The following BNIP3L variants were observed in gnomAD, a reference collection of about 807,000 sequenced individuals.
BNIP3L encodes the protein BCL2 interacting protein 3 like, also known as BCL2/adenovirus E1B 19 kDa protein-interacting protein 3-like.
A neutral mutation model predicts 25.5 loss-of-function variants in BNIP3L; 10 were observed. The observed-to-expected ratio is 0.39, with a 90% confidence interval of 0.24 to 0.67. BNIP3L has a LOEUF of 0.67. BNIP3L is among the 30% of genes least tolerant of loss of function. The pLI is 0.45. For synonymous variants in BNIP3L, 113 were observed against 101.2 expected, an observed-to-expected ratio of 1.12 and a Z score of -0.70; for missense variants, 215 against 270.9, an observed-to-expected ratio of 0.79 and a Z score of 1.45.
intron 1 of BNIP3L, among the ~76,000 whole-genome samples, chr8:26,385,202 A>T (rs567685079): frequency 2.0e-5 from 3 of 152,260 alleles, no homozygotes; most frequent in Non-Finnish European, 4.4e-5. Context: ...TCTTAATTGT[A>T]CAGTTTTCTT....
At chr8:26,405,690 G>A in intron 3 of BNIP3L, among the ~76,000 whole-genome samples, 1 of 152,108 alleles carries the variant, frequency 6.6e-6, no homozygotes, top group Admixed American at 6.5e-5. Context: ...AAAATAAAAT[G>A]TCAAAATGCT....
chr8:26,402,454 A>C (rs1465246114), intron 3 of BNIP3L, among the ~76,000 whole-genome samples: 6 of 152,266 alleles, frequency 3.9e-5, no homozygotes, highest in South Asian at 2.1e-4. Flanking sequence ...GGATTTCTTC[A>C]ATCTATATCA....
intron 3 of BNIP3L, among the ~76,000 whole-genome samples, chr8:26,396,747 C>T (rs1171626225): frequency 1.3e-5 from 2 of 149,312 alleles, no homozygotes; most frequent in East Asian, 4.0e-4. Flanking sequence ...GAATGTATAA[C>T]TAGAATAACC....
chr8:26,387,468 G>A (rs771549530), intron 1 of BNIP3L, among the ~76,000 whole-genome samples: 18 of 152,146 alleles, frequency 1.2e-4, no homozygotes, highest in Non-Finnish European at 2.4e-4. Context: ...GTGTTGCTTG[G>A]ACAGCACAAA....
chr8:26,392,175 T>G (rs1420578126), intron 2 of BNIP3L, among the ~76,000 whole-genome samples: 2 of 151,514 alleles, frequency 1.3e-5, no homozygotes, highest in Non-Finnish European at 2.9e-5. Context: ...TTTTCTGTTT[T>G]TTTTTTTTTT....
At chr8:26,388,679 G>GT (rs1237104382) in intron 1 of BNIP3L, among the ~76,000 whole-genome samples, 2 of 152,188 alleles carry the variant, frequency 1.3e-5, no homozygotes, top group East Asian at 3.9e-4. Flanking sequence ...CTTCAAAAAA[G>GT]TAAAAACCAG....
In BNIP3L at chr8:26,383,192, A is replaced by G. The variant is rs767611408; in HGVS notation, c.62A>G (p.Glu21Gly). ...CACAACAACAACAACAACTGCGAGG[A>G]AAATGAGCAGTCTCTGCCCCCGCCG... ...PLHNNNNNCE[E>G]NEQSLPPPAG... Residue 21 changes from glutamate to glycine, a missense_variant, in exon 1 of 6, where the codon GAA becomes GGA. Glu to Gly is a moderately conservative substitution (Grantham distance 98, BLOSUM62 -2). This residue lies in a region of BNIP3L where 69 missense variants were observed against 53.6 expected (regional missense o/e 1.29). Transcript: ENST00000380629. 10 of 1,612,432 alleles carry G rather than the reference A, an allele frequency of 6.2e-6. No homozygotes were observed. The African/African-American group carries it at 1.2e-4, about 19-fold the overall frequency.
chr8:26,391,121 A>C, intron 1 of BNIP3L, 122 bp from the exon 2 acceptor site: 3 of 763,762 alleles, frequency 3.9e-6, no homozygotes, highest in Non-Finnish European at 5.9e-6. Flanking sequence ...TTTTCTTCAG[A>C]ATACTTTTAC....
chr8:26,404,555 C>T lies in BNIP3L; in HGVS notation c.358-3445C>T, dbSNP rs184904791. On this transcript the variant is annotated intron_variant, in intron 3 of 5. Coordinates refer to ENST00000380629, the MANE Select transcript of BNIP3L (RefSeq NM_004331.3). ...TTTTGTTTTTGAGATGGACCTCACT[C>T]TGTCACCAGGCTGGAGTGCAGTGGC... Among the ~76,000 whole-genome samples the T allele has an allele frequency of 1.4e-4, 22 of 152,320 alleles. No homozygotes were observed. In the East Asian group the frequency reaches 4.1e-3, roughly 28 times the overall value.
At chr8:26,406,847 G>T (rs73217798) in intron 3 of BNIP3L, among the ~76,000 whole-genome samples, 29,348 of 151,514 alleles carry the variant, frequency 0.19, 3,069 homozygotes, top group East Asian at 0.41. Context: ...AACATGCTTG[G>T]AATAATATTT....
At chr8:26,392,573 G>A (rs185824140) in intron 2 of BNIP3L, among the ~76,000 whole-genome samples, 2 of 147,058 alleles carry the variant, frequency 1.4e-5, no homozygotes, top group African/African-American at 5.0e-5. Context: ...GTGCACCCCC[G>A]CCACCCCCGT....
rs1483044319 is a variant in BNIP3L, at chr8:26,411,743, G to A, written c.*1331G>A. On this transcript the variant is annotated 3_prime_UTR_variant, in exon 6 of 6. Transcript: ENST00000380629. The stretch of plus-strand genomic sequence containing the variant: ...AAGCATCAGGATGACCAGTTATCTC[G>A]AGTAGATTTTCTTGGATTTCAGAAC... 4 of 152,550 alleles carry A rather than the reference G, an allele frequency of 2.6e-5. No homozygotes were observed. Among genetic ancestry groups the A allele is most frequent in the East Asian group, 3.9e-4 (2 of 5,192 alleles). The allele number at this position is 152,550 out of a possible 1,614,324, so 9.4% of individuals were successfully genotyped here. A position where few individuals can be genotyped will look rare whatever the true frequency, so the allele number is the denominator to read the frequency against.
chr8:26,403,608 G>A (rs561392276), intron 3 of BNIP3L, among the ~76,000 whole-genome samples: 13 of 151,210 alleles, frequency 8.6e-5, no homozygotes, highest in Admixed American at 3.3e-4. Context: ...TGCAGTTGTA[G>A]CTCACCACAG....
chr8:26,389,224 T>G (rs1806055566), intron 1 of BNIP3L, among the ~76,000 whole-genome samples: 1 of 152,082 alleles, frequency 6.6e-6, no homozygotes, highest in African/African-American at 2.4e-5. Flanking sequence ...TCCCATTGGT[T>G]TAAAAATAAG....
At chr8:26,392,431 ATAT>A (rs1806134760) in intron 2 of BNIP3L, among the ~76,000 whole-genome samples, 1 of 152,234 alleles carries the variant, frequency 6.6e-6, no homozygotes, top group South Asian at 2.1e-4. Flanking sequence ...TATATTGCAC[ATAT>A]TATTACTTAT....
intron 1 of BNIP3L, among the ~76,000 whole-genome samples, chr8:26,384,338 C>T (rs1805937585): frequency 6.6e-6 from 1 of 152,136 alleles, no homozygotes; most frequent in Non-Finnish European, 1.5e-5. Context: ...AGAGTTTCAG[C>T]CCTCACCAGG....
intron 2 of BNIP3L, 92 bp downstream of exon 2, chr8:26,391,518 A>G: frequency 8.9e-7 from 1 of 1,124,542 alleles, no homozygotes; most frequent in Non-Finnish European, 1.2e-6. Flanking sequence ...TTAAATCTTC[A>G]CTTAGCAAAA....
rs778697827 is a variant in BNIP3L at position 26,408,017 on chromosome 8, A to G, written c.375A>G (p.Val125=). The G allele has an allele frequency of 1.8e-5, 29 of 1,614,060 alleles. No homozygotes were observed. The highest frequency in any genetic ancestry group is 2.3e-5 in the Non-Finnish European group (27 of 1,180,026). ...DHSSQSEEEV[V]EGEKEVEALK... is the part of the protein sequence containing the mutation. ...CTTTACAGTCAGAAGAAGAAGTTGT[A>G]GAAGGAGAGAAGGAAGTCGAGGCTT... is the stretch of plus-strand genomic sequence containing the variant. The change falls in exon 4 of 6, where the codon GTA becomes GTG. Residue 125 remains valine (V), a synonymous_variant. Coordinates refer to ENST00000380629, the MANE Select transcript of BNIP3L (RefSeq NM_004331.3).
intron 2 of BNIP3L, among the ~76,000 whole-genome samples, chr8:26,393,160 C>A (rs1005925197): frequency 6.6e-6 from 1 of 151,854 alleles, no homozygotes; most frequent in Non-Finnish European, 1.5e-5. Context: ...TCAAAACTCA[C>A]ATCATCTGAA....
Sources: allele counts gnomAD v4.1 joint callset (sites outside exome capture counted in the v4.1 genomes callset), GRCh38; gene constraint gnomAD v4.1.1; regional missense constraint gnomAD v4.1.1; transcripts MANE v1.5; gene names NCBI Gene and HGNC (gene_info 2026-07-23, HGNC 2026-07-21).